The following RAB27B variants were observed in gnomAD, a reference collection of about 807,000 sequenced individuals.
RAB27B encodes RAB27B, member RAS oncogene family.
In RAB27B, 15 loss-of-function variants were observed where a neutral mutation model predicts 24.6. That is an observed-to-expected ratio of 0.61 (90% CI 0.41 to 0.94). The LOEUF (loss-of-function observed/expected upper bound fraction) is 0.94. RAB27B is among the 40% of genes least tolerant of loss of function. RAB27B has a pLI of 0.00. For synonymous variants in RAB27B, 105 were observed against 92.5 expected (o/e 1.14, Z -0.78); for missense variants, 261 against 266.8 (o/e 0.98, Z 0.15).
intron 1 of RAB27B, among the ~76,000 whole-genome samples, chr18:54,866,658 G>A (rs938373730): frequency 1.3e-5 from 2 of 152,356 alleles, no homozygotes; most frequent in South Asian, 2.1e-4. Context: ...GTGACGGGGA[G>A]GGGAAGAGAG....
At chr18:54,849,774 T>C (rs1291488946) in intron 1 of RAB27B, among the ~76,000 whole-genome samples, 1 of 152,128 alleles carries the variant, frequency 6.6e-6, no homozygotes, top group African/African-American at 2.4e-5. Context: ...AGAAATTATA[T>C]GATAAAATAG....
intron 1 of RAB27B, among the ~76,000 whole-genome samples, chr18:54,854,138 T>G (rs576729030): frequency 4.0e-4 from 61 of 152,322 alleles, no homozygotes; most frequent in African/African-American, 1.3e-3. Flanking sequence ...TACATTCGTC[T>G]TTAGAATCTC....
intron 5 of RAB27B, among the ~76,000 whole-genome samples, chr18:54,888,373 G>T (rs182160342): frequency 6.6e-6 from 1 of 152,218 alleles, no homozygotes; most frequent in South Asian, 2.1e-4. Context: ...CATAACTAGA[G>T]TTATCTCATT....
chr18:54,755,643 G>A (rs1213877941), intron 2 of RAB27B, among the ~76,000 whole-genome samples: 1 of 152,074 alleles, frequency 6.6e-6, no homozygotes, highest in African/African-American at 2.4e-5. Context: ...CCAACAGTAT[G>A]GTCTGCATCA....
intron 1 of RAB27B, among the ~76,000 whole-genome samples, chr18:54,836,346 T>G (rs964990427): frequency 1.3e-5 from 2 of 151,908 alleles, no homozygotes; most frequent in African/African-American, 4.9e-5. Flanking sequence ...CAAAGTTCAC[T>G]TTGACTTTTA....
At chr18:54,789,753 T>C (rs1024610480) in intron 2 of RAB27B, among the ~76,000 whole-genome samples, 15 of 152,092 alleles carry the variant, frequency 9.9e-5, no homozygotes, top group African/African-American at 3.4e-4. Context: ...CAAGGACTGG[T>C]TATGTTAAAA....
intron 1 of RAB27B, among the ~76,000 whole-genome samples, chr18:54,857,330 T>C (rs1357433057): frequency 6.6e-6 from 1 of 152,194 alleles, no homozygotes; most frequent in African/African-American, 2.4e-5. Flanking sequence ...TCCACCTTAC[T>C]TCCAGGTAAA....
chr18:54,736,811 G>A (rs1408150838), intron 2 of RAB27B, among the ~76,000 whole-genome samples: 1 of 152,134 alleles, frequency 6.6e-6, no homozygotes, highest in Non-Finnish European at 1.5e-5. Context: ...GATAGCATAA[G>A]CGTTTGAGTT....
At chr18:54,731,169 T>A (rs980254113) in intron 2 of RAB27B, among the ~76,000 whole-genome samples, 2 of 152,040 alleles carry the variant, frequency 1.3e-5, no homozygotes, top group African/African-American at 4.8e-5. Flanking sequence ...GCAGAAAAAA[T>A]TTAGGATTTC....
chr18:54,887,220 A>G (rs577115478), intron 4 of RAB27B, among the ~76,000 whole-genome samples: 2 of 152,020 alleles, frequency 1.3e-5, no homozygotes, highest in South Asian at 4.2e-4. Flanking sequence ...TTCGGAGGTT[A>G]GAGAAAGGAA....
chr18:54,860,983 G>A (rs560263702), intron 1 of RAB27B, among the ~76,000 whole-genome samples: 52 of 152,284 alleles, frequency 3.4e-4, no homozygotes, highest in Non-Finnish European at 6.2e-4. Context: ...GGCTCTGTGA[G>A]TTATCTAGAA....
At position 54,841,159 on chromosome 18, in the gene RAB27B, C is replaced by CGGGAG; in HGVS notation, c.-20+12461_-20+12462insGAGGG. On this transcript the variant is annotated intron_variant, in intron 1 of 5. Coordinates refer to ENST00000262094, the MANE Select transcript of RAB27B (RefSeq NM_004163.4). Reference sequence around the variant, plus strand: ...AAGACTCTGTCTTTGGGTGGCGGGGCGGTGGGGGGTTTGGTGAGAGGGGCG... The same window carrying CGGGAG: ...AAGACTCTGTCTTTGGGTGGCGGGGCGGGAGGGTGGGGGGTTTGGTGAGAGGGGCG... Among the ~76,000 whole-genome samples the CGGGAG allele has an allele frequency of 1.0e-4, 2 of 19,876 alleles. 1 individual carries two copies. The highest frequency in any genetic ancestry group is 5.9e-3 in the South Asian group (2 of 340). The allele number at this position is 19,876 out of a possible 152,430, so 13.0% of individuals were successfully genotyped here.
intron 1 of RAB27B, among the ~76,000 whole-genome samples, chr18:54,849,500 C>CT (rs901276141): frequency 6.6e-6 from 1 of 152,186 alleles, no homozygotes; most frequent in Non-Finnish European, 1.5e-5. Context: ...GCGTGGATCA[C>CT]TTGAGGTGAG....
intron 2 of RAB27B, among the ~76,000 whole-genome samples, chr18:54,759,429 G>A (rs902896013): frequency 1.3e-5 from 2 of 152,130 alleles, no homozygotes; most frequent in Non-Finnish European, 2.9e-5. Flanking sequence ...GCATTCGATG[G>A]TGATTCTAAT....
intron 2 of RAB27B, among the ~76,000 whole-genome samples, chr18:54,822,764 G>GTT (rs751496421): frequency 6.6e-6 from 1 of 151,846 alleles, no homozygotes; most frequent in Non-Finnish European, 1.5e-5. Context: ...CTGCTTATAG[G>GTT]TTTTTTTAAT....
At chr18:54,795,919 G>A (rs1215590170) in intron 2 of RAB27B, among the ~76,000 whole-genome samples, 1 of 152,120 alleles carries the variant, frequency 6.6e-6, no homozygotes, top group Non-Finnish European at 1.5e-5. Context: ...GTCAACATAT[G>A]CTGCACATAT....
chr18:54,771,995 TCA>T (rs1403361998), intron 2 of RAB27B, among the ~76,000 whole-genome samples: 1 of 152,194 alleles, frequency 6.6e-6, no homozygotes, highest in Non-Finnish European at 1.5e-5. Context: ...ACACATTGAC[TCA>T]CACACATTCA....
At chr18:54,850,333 G>GATAGATATATATATATATATAT (rs1911512934) in intron 1 of RAB27B, among the ~76,000 whole-genome samples, 3 of 95,156 alleles carry the variant, frequency 3.2e-5, no homozygotes, top group South Asian at 4.5e-4. Flanking sequence ...AAACAAACAG[G>GATAGATATATATATATATATAT]ATATATATAT....
chr18:54,865,436 G>A (rs530003485), intron 1 of RAB27B, among the ~76,000 whole-genome samples: 35 of 152,298 alleles, frequency 2.3e-4, no homozygotes, highest in African/African-American at 6.5e-4. Flanking sequence ...TATCTATGAA[G>A]TTTCCAGTTA....
Sources: allele counts gnomAD v4.1 joint callset (sites outside exome capture counted in the v4.1 genomes callset), GRCh38; gene constraint gnomAD v4.1.1; transcripts MANE v1.5; gene names NCBI Gene and HGNC (gene_info 2026-07-23, HGNC 2026-07-21).